The following EXOSC1 variants were observed in gnomAD, a reference collection of about 807,000 sequenced individuals.
The protein encoded by EXOSC1 is exosome complex component CSL4.
In EXOSC1, 27 loss-of-function variants were observed where a neutral mutation model predicts 31.4. That is an observed-to-expected ratio of 0.86 (90% CI 0.63 to 1.18). The LOEUF is 1.18. EXOSC1 is among the 50% of genes most tolerant of loss of function. The pLI, the probability that EXOSC1 is intolerant of heterozygous loss-of-function variation, is 0.00. For missense variants in EXOSC1, 228 were observed against 250.3 expected, an observed-to-expected ratio of 0.91 and a Z score of 0.60; for synonymous variants, 84 against 89.5, an observed-to-expected ratio of 0.94 and a Z score of 0.35.
rs376542058 is a variant in EXOSC1, at chr10:97,443,439, C to G, written c.148-128G>C. 295 of 788,860 alleles carry G rather than the reference C, an allele frequency of 3.7e-4. 1 individual carries two copies. The African/African-American group carries it at 4.2e-3, about 11-fold the overall frequency. The allele number at this position is 788,860 out of a possible 1,614,324, so 48.9% of individuals were successfully genotyped here. A position where few individuals can be genotyped will look rare whatever the true frequency, so the allele number is the denominator to read the frequency against. On this transcript the variant is annotated intron_variant, in intron 2 of 7. Transcript: ENST00000370902. ...AGTTGGAGTATGGATTCATTTATAGCCCAGAGCAGAAGGCCTTAGAAATTT... is the reference window on the plus strand; with the variant it reads ...AGTTGGAGTATGGATTCATTTATAGGCCAGAGCAGAAGGCCTTAGAAATTT...
intron 4 of EXOSC1, 118 bp downstream of exon 4, chr10:97,441,049 GAAGA>G: frequency 1.5e-5 from 11 of 747,212 alleles, no homozygotes; most frequent in Non-Finnish European, 2.4e-5. Flanking sequence ...AAAGCACAAA[GAAGA>G]AAGAAAAACG....
chr10:97,442,676 T>C (rs1376677917), intron 3 of EXOSC1, among the ~76,000 whole-genome samples: 1 of 152,136 alleles, frequency 6.6e-6, no homozygotes, highest in African/African-American at 2.4e-5. Flanking sequence ...GCCTGGCTAA[T>C]TTTTTATTCT....
chr10:97,441,027 T>C (rs1235799271), intron 4 of EXOSC1, 144 bp downstream of exon 4: 1 of 628,686 alleles, frequency 1.6e-6, no homozygotes, highest in Non-Finnish European at 2.8e-6. Flanking sequence ...TGGATACTAC[T>C]AGGGGAGAAT....
intron 4 of EXOSC1, among the ~76,000 whole-genome samples, chr10:97,440,203 C>T (rs964720822): frequency 4.6e-5 from 7 of 152,064 alleles, no homozygotes; most frequent in Non-Finnish European, 8.8e-5. Flanking sequence ...AACTCCCGAC[C>T]TCAGGTGATC....
At chr10:97,443,470 A>C (rs937973668) in intron 2 of EXOSC1, among the ~76,000 whole-genome samples, 159 bp from the exon 3 acceptor site, 1 of 152,206 alleles carries the variant, frequency 6.6e-6, no homozygotes, top group Non-Finnish European at 1.5e-5. Flanking sequence ...AATTTTAGGA[A>C]ATAGGAGGAC....
chr10:97,438,726 A>G (rs1174950982), intron 4 of EXOSC1, 23 bp from the exon 5 acceptor site: 3 of 1,558,628 alleles, frequency 1.9e-6, no homozygotes, highest in Non-Finnish European at 2.6e-6. Context: ...AATTAACAGA[A>G]AGATTAATTA....
intron 2 of EXOSC1, 141 bp from the exon 3 acceptor site, chr10:97,443,452 G>A (rs1845778887): frequency 2.8e-6 from 2 of 707,088 alleles, no homozygotes; most frequent in Non-Finnish European, 4.7e-6. Flanking sequence ...AGAGCAGAAG[G>A]CCTTAGAAAT....
intron 4 of EXOSC1, among the ~76,000 whole-genome samples, chr10:97,439,061 G>T (rs1456220839): frequency 6.6e-6 from 1 of 152,164 alleles, no homozygotes; most frequent in African/African-American, 2.4e-5. Flanking sequence ...CTGTGAGAAA[G>T]AATTATTCTG....
rs1845569701 is a variant in EXOSC1 at position 97,437,288 on chromosome 10, C to T, written c.397-13G>A. Reference sequence around the variant, plus strand: ...CACCTAAGGAGATCTAGTCACATAACACCGGTGAAGGAAAATGAGGAGTTA... The same window carrying T: ...CACCTAAGGAGATCTAGTCACATAATACCGGTGAAGGAAAATGAGGAGTTA... On this transcript the variant is annotated splice_polypyrimidine_tract_variant and intron_variant, in intron 6 of 7. Coordinates refer to ENST00000370902, the MANE Select transcript of EXOSC1 (RefSeq NM_016046.5). 3 of 1,607,552 alleles carry T rather than the reference C, an allele frequency of 1.9e-6. No homozygotes were observed. Among genetic ancestry groups the T allele is most frequent in the East Asian group, 4.5e-5 (2 of 44,856 alleles).
chr10:97,435,922 G>C lies in EXOSC1; in HGVS notation c.*523C>G, dbSNP rs1038548655. Among the ~76,000 whole-genome samples the C allele has an allele frequency of 1.3e-4, 20 of 152,114 alleles. No homozygotes were observed. Among genetic ancestry groups the C allele is most frequent in the Non-Finnish European group, 2.9e-4 (20 of 68,034 alleles). Reference sequence around the variant, plus strand: ...CCCAACTCGGCCTCCCAAAGTGCTGGGATTTACAAACATGAGCCACCATGC... The same window carrying C: ...CCCAACTCGGCCTCCCAAAGTGCTGCGATTTACAAACATGAGCCACCATGC... On this transcript the variant is annotated 3_prime_UTR_variant, in exon 8 of 8. Coordinates refer to ENST00000370902, the MANE Select transcript of EXOSC1 (RefSeq NM_016046.5).
In EXOSC1 at chr10:97,437,286, A is replaced by G; in HGVS notation, c.397-11T>C. On this transcript the variant is annotated splice_polypyrimidine_tract_variant and intron_variant, in intron 6 of 7. Transcript: ENST00000370902. ...ATCACCTAAGGAGATCTAGTCACAT[A>G]ACACCGGTGAAGGAAAATGAGGAGT... The G allele has an allele frequency of 4.4e-6, 7 of 1,607,516 alleles. No individual in the cohort carries two copies. Among genetic ancestry groups the G allele is most frequent in the Non-Finnish European group, 6.0e-6 (7 of 1,174,928 alleles).
rs184840597 is a variant in EXOSC1 at position 97,442,401 on chromosome 10, A to G, written c.222+836T>C. 3.1e-3 allele frequency among the ~76,000 whole-genome samples: 471 copies of G among 152,334 alleles called. 12 individuals are homozygous for G. Among genetic ancestry groups the G allele is most frequent in the Admixed American group, 0.029 (444 of 15,306 alleles). ...TTATCCTAGAAATCTGTAAGCCTGC[A>G]CAGTCCAGTAAAACTTTCTGTGATG... On this transcript the variant is annotated intron_variant, in intron 3 of 7. Transcript: ENST00000370902.
intron 2 of EXOSC1, chr10:97,444,715 A>C (rs1845846373): frequency 6.6e-6 from 1 of 152,238 alleles, no homozygotes; most frequent in African/African-American, 2.4e-5. Flanking sequence ...CAATGACTGA[A>C]TAGAAAGCCC....
intron 5 of EXOSC1, 137 bp from the exon 6 acceptor site, chr10:97,437,887 C>A: frequency 1.4e-6 from 1 of 706,632 alleles, no homozygotes; most frequent in South Asian, 1.7e-5. Flanking sequence ...AAGTCAAGAA[C>A]TTTTAATTGC....
Position 97,441,184 on chromosome 10 carries a change from GAA to G in EXOSC1, c.296_297del (p.Phe99SerfsTer13), listed in dbSNP as rs1186028942. Reference sequence around the variant, plus strand: ...GATACTTCTTACCGGATAGTTCCTCGAAAAGAGTTCTTAAGAGGCATGGACCC... The same window carrying G: ...GATACTTCTTACCGGATAGTTCCTCGAAGAGTTCTTAAGAGGCATGGACCC... ...YVGSMPLKNS[F>X]RGTIRKEDVR... On this transcript the variant is annotated frameshift_variant, in exon 4 of 8. Transcript: ENST00000370902. LOFTEE classifies it high-confidence loss of function. The G allele has an allele frequency of 1.2e-6, 2 of 1,613,810 alleles. No homozygotes were observed. The highest frequency in any genetic ancestry group is 1.3e-5 in the African/African-American group (1 of 75,020).
rs1221623715 is a variant in EXOSC1, at chr10:97,445,992, C to G, written c.-7G>C. The stretch of plus-strand genomic sequence containing the variant: ...ATCTCACAGGTGGCGCCATGATTGC[C>G]GCTGTCCCAAAACCAGGATGAAAAC... On this transcript the variant is annotated 5_prime_UTR_variant, in exon 1 of 8. Coordinates refer to ENST00000370902, the MANE Select transcript of EXOSC1 (RefSeq NM_016046.5). 1.2e-6 allele frequency: 2 copies of G among 1,614,138 alleles called. No homozygotes were observed. The highest frequency in any genetic ancestry group is 8.5e-7 in the Non-Finnish European group (1 of 1,180,056).
intron 2 of EXOSC1, 95 bp downstream of exon 2, chr10:97,445,637 C>T: frequency 1.7e-6 from 2 of 1,163,660 alleles, no homozygotes; most frequent in Non-Finnish European, 2.5e-6. Context: ...CACTGAGGCA[C>T]TAAAGACGCG....
At chr10:97,437,510 G>GCCTCCTTCT in intron 6 of EXOSC1, among the ~76,000 whole-genome samples, 190 bp downstream of exon 6, 1 of 152,086 alleles carries the variant, frequency 6.6e-6, no homozygotes, top group African/African-American at 2.4e-5. Context: ...ACCACGCCCA[G>GCCTCCTTCT]CTAATTTTTG....
At chr10:97,437,896 G>A in intron 5 of EXOSC1, 146 bp from the exon 6 acceptor site, 1 of 680,664 alleles carries the variant, frequency 1.5e-6, no homozygotes, top group Non-Finnish European at 2.5e-6. Context: ...ACTTTTAATT[G>A]CTTCTACAGT....
Sources: allele counts gnomAD v4.1 joint callset (sites outside exome capture counted in the v4.1 genomes callset), GRCh38; gene constraint gnomAD v4.1.1; transcripts MANE v1.5; gene names NCBI Gene and HGNC (gene_info 2026-07-23, HGNC 2026-07-21).